SEC24B: variants seen among roughly 807,000 people sequenced by gnomAD.
SEC24B encodes protein transport protein Sec24B.
A neutral mutation model predicts 142.8 loss-of-function variants in SEC24B; 45 were observed. That is an observed-to-expected ratio of 0.32 (90% CI 0.25 to 0.40). The LOEUF is 0.40. SEC24B is among the 10% of genes least tolerant of loss of function. The pLI, the probability that SEC24B is intolerant of heterozygous loss-of-function variation, is 1.00. For missense variants in SEC24B, 1,409 were observed against 1,526.8 expected (o/e 0.92, Z 1.29); for synonymous variants, 574 against 568.2 (o/e 1.01, Z -0.15).
intron 3 of SEC24B, among the ~76,000 whole-genome samples, chr4:109,475,394 T>C (rs1401502185): frequency 6.6e-6 from 1 of 152,236 alleles, no homozygotes; most frequent in Non-Finnish European, 1.5e-5. Context: ...GGGCCTGATA[T>C]GAACTACTAA....
chr4:109,482,959 TATATATATATATATATATATAC>T (rs1237462467), intron 4 of SEC24B, among the ~76,000 whole-genome samples: 1 of 53,358 alleles, frequency 1.9e-5, no homozygotes, highest in Non-Finnish European at 3.2e-5. Context: ...TATATATATA[TATATATATATATATATATATAC>T]ACACACACAC....
intron 4 of SEC24B, among the ~76,000 whole-genome samples, chr4:109,489,686 TATG>T (rs2126000089): frequency 1.3e-5 from 2 of 148,378 alleles, no homozygotes; most frequent in East Asian, 1.9e-4. Context: ...GATATATACA[TATG>T]ATAATATATA....
intron 6 of SEC24B, among the ~76,000 whole-genome samples, chr4:109,495,783 A>G (rs1381109045): frequency 6.6e-6 from 1 of 152,150 alleles, no homozygotes; most frequent in Non-Finnish European, 1.5e-5. Flanking sequence ...AGTTCCTGCC[A>G]GCATTCACTC....
At chr4:109,503,046 T>C (rs1442102406) in intron 6 of SEC24B, among the ~76,000 whole-genome samples, 1 of 151,530 alleles carries the variant, frequency 6.6e-6, no homozygotes, top group African/African-American at 2.4e-5. Context: ...GTAGTTATTT[T>C]GTAATTTCTT....
At chr4:109,477,581 C>G (rs1490388726) in intron 3 of SEC24B, among the ~76,000 whole-genome samples, 1 of 152,042 alleles carries the variant, frequency 6.6e-6, no homozygotes, top group Non-Finnish European at 1.5e-5. Context: ...CCACCTTGGC[C>G]TCCCAAGGTG....
intron 7 of SEC24B, among the ~76,000 whole-genome samples, chr4:109,508,437 T>TG (rs1736955878): frequency 6.6e-6 from 1 of 151,968 alleles, no homozygotes. Flanking sequence ...CATAGTGCCA[T>TG]GTGCCTGTGG....
At chr4:109,476,626 CT>C (rs1275855769) in intron 3 of SEC24B, among the ~76,000 whole-genome samples, 1 of 152,198 alleles carries the variant, frequency 6.6e-6, no homozygotes, top group Non-Finnish European at 1.5e-5. Flanking sequence ...TTTTAACCTT[CT>C]GAGTTACATG....
At chr4:109,497,211 C>T (rs1735627878) in intron 6 of SEC24B, among the ~76,000 whole-genome samples, 1 of 152,220 alleles carries the variant, frequency 6.6e-6, no homozygotes, top group Non-Finnish European at 1.5e-5. Context: ...TAATGACCTT[C>T]TGACTATCCA....
intron 7 of SEC24B, among the ~76,000 whole-genome samples, chr4:109,508,497 G>A (rs900345070): frequency 2.0e-5 from 3 of 152,050 alleles, no homozygotes; most frequent in Non-Finnish European, 2.9e-5. Context: ...AGCCCAGGAG[G>A]TGGAAGTTGT....
chr4:109,495,050 A>G (rs546994136), intron 6 of SEC24B, among the ~76,000 whole-genome samples, 194 bp downstream of exon 6: 7 of 152,294 alleles, frequency 4.6e-5, no homozygotes, highest in Admixed American at 4.6e-4. Flanking sequence ...TGAAATATAA[A>G]TATCACATTT....
chr4:109,515,183 C>T (rs1278681810), intron 10 of SEC24B, among the ~76,000 whole-genome samples: 1 of 152,100 alleles, frequency 6.6e-6, no homozygotes, highest in Admixed American at 6.5e-5. Context: ...TCACTGCAAG[C>T]TCTGCCTCCC....
chr4:109,446,481 C>G (rs66642182), intron 1 of SEC24B, among the ~76,000 whole-genome samples: 28,826 of 152,130 alleles, frequency 0.19, 3,172 homozygotes, highest in African/African-American at 0.3. Context: ...CTCCAGAACT[C>G]TAAGAGAATA....
chr4:109,494,040 G>A (rs1219419469), intron 5 of SEC24B, among the ~76,000 whole-genome samples: 1 of 152,344 alleles, frequency 6.6e-6, no homozygotes, highest in East Asian at 1.9e-4. Flanking sequence ...AGAGAAAAGA[G>A]TAGTTGGCAC....
At chr4:109,528,366 C>T (rs1174721563) in intron 18 of SEC24B, among the ~76,000 whole-genome samples, 1 of 149,744 alleles carries the variant, frequency 6.7e-6, no homozygotes, top group Non-Finnish European at 1.5e-5. Flanking sequence ...GCAGAGGTTG[C>T]AGTGAGCCGA....
intron 19 of SEC24B, among the ~76,000 whole-genome samples, chr4:109,530,999 G>C (rs550836374): frequency 8.8e-4 from 133 of 151,352 alleles, no homozygotes; most frequent in South Asian, 1.5e-3. Context: ...TTTAATGTGT[G>C]TGAGCAGTTT....
At chr4:109,537,171 A>G (rs923521191) in intron 22 of SEC24B, among the ~76,000 whole-genome samples, 2 of 144,860 alleles carry the variant, frequency 1.4e-5, no homozygotes, top group East Asian at 3.9e-4. Context: ...CCTCACTCAT[A>G]ATTAGGAAAA....
intron 14 of SEC24B, among the ~76,000 whole-genome samples, chr4:109,522,533 A>G (rs1222267122): frequency 6.6e-6 from 1 of 152,166 alleles, no homozygotes; most frequent in Non-Finnish European, 1.5e-5. Flanking sequence ...TGATTTTCTG[A>G]CTCCAGTGTT....
intron 2 of SEC24B, among the ~76,000 whole-genome samples, chr4:109,467,809 G>A (rs1025450475): frequency 1.2e-4 from 19 of 152,126 alleles, no homozygotes; most frequent in Admixed American, 6.5e-4. Context: ...TCTTGATAGC[G>A]TATTATAAAA....
Position 109,520,808 on chromosome 4 carries a change from C to T in SEC24B, c.2246-309C>T, listed in dbSNP as rs1723523671. 2.6e-5 allele frequency among the ~76,000 whole-genome samples: 4 copies of T among 152,132 alleles called. No individual in the cohort carries two copies. In the South Asian group the frequency reaches 8.3e-4, roughly 31 times the overall value. ...AGGAGTTCGAGACCAGCCTAACTAA[C>T]ATGGAGAAACCCCGTCTCTGCTAAA... On this transcript the variant is annotated intron_variant, in intron 12 of 23. Coordinates refer to ENST00000265175, the MANE Select transcript of SEC24B (RefSeq NM_006323.5).
Sources: allele counts gnomAD v4.1 joint callset (sites outside exome capture counted in the v4.1 genomes callset), GRCh38; gene constraint gnomAD v4.1.1; transcripts MANE v1.5; gene names NCBI Gene and HGNC (gene_info 2026-07-23, HGNC 2026-07-21).